The following TAF11L11 variants were observed in gnomAD, a reference collection of about 807,000 sequenced individuals.
The protein encoded by TAF11L11 is TATA-box binding protein associated factor 11 like 11, also known as TATA-box-binding protein-associated factor 11-like protein 11.
At chr5:17,605,409 C>A (rs1232189747), downstream of TAF11L11, 1 of 392,684 alleles carries the variant, frequency 2.5e-6, no homozygotes, top group East Asian at 3.6e-5. Context: ...TCTGTTTGTG[C>A]AGGAATAAGT....
chr5:17,605,115 G>T lies in TAF11L11; in HGVS notation c.335G>T (p.Cys112Phe), dbSNP rs138644274. The T allele has an allele frequency of 4.9e-3, 1,935 of 395,096 alleles. 90 individuals carry two copies. The highest frequency in any genetic ancestry group is 0.037 in the African/African-American group (1,771 of 48,346). The allele number at this position is 395,096 out of a possible 1,614,324, so 24.5% of individuals were successfully genotyped here. The change falls in exon 1 of 1, where the codon TGT (cysteine) becomes TTT (phenylalanine). Residue 112 changes from cysteine (C) to phenylalanine (F), a missense_variant. By Grantham distance (205) the Cys-to-Phe change is radical. Coordinates refer to ENST00000510838, the Ensembl canonical transcript of TAF11L11. ...GAGCAGCTATCTCGCTACGAAGTGT[G>T]TCGCCGGTCAGCTTTCCCAAAAGCA...
At chr5:17,604,419 A>T (rs889787598) in exon 1 of TAF11L11, 1 of 164,032 alleles carries the variant, frequency 6.1e-6, no homozygotes, top group Non-Finnish European at 1.3e-5. Context: ...CCCATCCTGG[A>T]GGTCCCTCAT....
chr5:17,605,480 C>T (rs1321496569), downstream of TAF11L11: 1 of 387,664 alleles, frequency 2.6e-6, no homozygotes, highest in Admixed American at 4.5e-5. Context: ...CTCAGTCCAC[C>T]CTGGATTTAC....
At chr5:17,604,929 A>T (rs747516589) in exon 1 of TAF11L11, 1 of 392,234 alleles carries the variant, frequency 2.5e-6, no homozygotes, top group Non-Finnish European at 4.5e-6. Context: ...AGGAGTCAGG[A>T]TGTCATGGAC....
exon 1 of TAF11L11, chr5:17,605,287 G>T (rs1561008269): frequency 1.5e-5 from 6 of 394,372 alleles, no homozygotes; most frequent in Non-Finnish European, 2.7e-5. Context: ...AAACGCCCCC[G>T]CTGCAGCCCA....
exon 1 of TAF11L11, chr5:17,605,312 G>T (rs1393051297): frequency 2.5e-6 from 1 of 394,160 alleles, no homozygotes; most frequent in Non-Finnish European, 4.5e-6. Context: ...TTTACGGGAG[G>T]CTGTTCGCAG....
Position 17,605,342 on chromosome 5 carries a change from C to T in TAF11L11, c.562C>T (p.Leu188Phe), listed in dbSNP as rs72742647. ...TCGCAGGTTAAAGCCCAAGGGCATC[C>T]TCCCCAACAGCAACTACAAAAAAAT... is the stretch of plus-strand genomic sequence containing the variant. Residue 188 changes from leucine (L) to phenylalanine (F), a missense_variant, in exon 1 of 1, where the codon CTC (leucine) becomes TTC (phenylalanine). Transcript: ENST00000510838. The T allele has an allele frequency of 7.9e-5, 31 of 393,742 alleles. 1 individual carries two copies. The highest frequency in any genetic ancestry group is 4.4e-4 in the African/African-American group (21 of 48,156). The allele number at this position is 393,742 out of a possible 1,614,324, so 24.4% of individuals were successfully genotyped here. A position where few individuals can be genotyped will look rare whatever the true frequency, so the allele number is the denominator to read the frequency against.
chr5:17,605,015 A>T, the TAF11L11 span: 3 of 394,022 alleles, frequency 7.6e-6, no homozygotes, highest in Admixed American at 4.5e-5. Context: ...TACCAAGGGG[A>T]AGAAGGAGAG....
At chr5:17,604,629 G>A (rs1337590347) in exon 1 of TAF11L11, 1 of 330,048 alleles carries the variant, frequency 3.0e-6, no homozygotes, top group Non-Finnish European at 5.5e-6. Context: ...GGGGAGGCAG[G>A]GGGCTGTGTC....
chr5:17,604,744 T>A (rs1739130572), exon 1 of TAF11L11: 1 of 378,950 alleles, frequency 2.6e-6, no homozygotes, highest in African/African-American at 2.1e-5. Context: ...CTTCTGCCTG[T>A]ACAGCTGCTG....
chr5:17,605,633 C>A (rs72742648), downstream of TAF11L11, among the ~76,000 whole-genome samples: 3 of 151,342 alleles, frequency 2.0e-5, no homozygotes, highest in South Asian at 2.1e-4. Context: ...TTGGAAGAAT[C>A]AAGGTGCCTG....
the TAF11L11 span, chr5:17,605,333 A>T: frequency 5.1e-6 from 2 of 394,042 alleles, no homozygotes; most frequent in Admixed American, 8.9e-5. Context: ...GTTAAAGCCC[A>T]AGGGCATCCT....
chr5:17,605,126 G>C (rs1462007345), exon 1 of TAF11L11: 5 of 395,388 alleles, frequency 1.3e-5, no homozygotes, highest in African/African-American at 2.1e-5. Flanking sequence ...TCGCCGGTCA[G>C]CTTTCCCAAA....
chr5:17,604,790 G>C lies in TAF11L11; in HGVS notation c.10G>C (p.Gly4Arg), dbSNP rs1177425100. Residue 4 changes from glycine to arginine, a missense_variant, in exon 1 of 1, where the codon GGC (glycine) becomes CGC (arginine). Gly to Arg is a moderately radical substitution (Grantham distance 125). Transcript: ENST00000510838. ...GACTGGAATCTCACCCATGGAGACA[G>C]GCAGGCAAAGAGATGCCTCTGCTGA... The C allele has an allele frequency of 9.3e-5, 36 of 385,918 alleles. 2 individuals carry two copies. Among genetic ancestry groups the C allele is most frequent in the Middle Eastern group, 6.5e-4 (1 of 1,536 alleles). 23.9% of individuals were successfully genotyped at this position (385,918 alleles called of 1,614,324 possible).
At chr5:17,605,688 A>G (rs1201258006), downstream of TAF11L11, among the ~76,000 whole-genome samples, 1 of 151,368 alleles carries the variant, frequency 6.6e-6, no homozygotes, top group African/African-American at 2.4e-5. Flanking sequence ...CAGAGAGGGA[A>G]GCCCTTCCCA....
At chr5:17,605,251 C>T (rs1739143528) in exon 1 of TAF11L11, 1 of 395,258 alleles carries the variant, frequency 2.5e-6, no homozygotes, top group Non-Finnish European at 4.5e-6. Context: ...TGGAAGAGGC[C>T]CTGGACGTGT....
chr5:17,604,845 A>G lies in TAF11L11; in HGVS notation c.65A>G (p.Tyr22Cys), dbSNP rs115516049. Residue 22 changes from tyrosine (Y) to cysteine (C), a missense_variant, in exon 1 of 1, where the codon TAC becomes TGC. Tyr to Cys is a radical substitution (Grantham distance 194). Coordinates refer to ENST00000510838, the Ensembl canonical transcript of TAF11L11. Reference sequence around the variant, plus strand: ...TTCCCCATGCCCCGAGGTCTGAAGTACAGCAACAAGGATGGAATCCCTGAG... The same window carrying G: ...TTCCCCATGCCCCGAGGTCTGAAGTGCAGCAACAAGGATGGAATCCCTGAG... 4.6e-5 allele frequency: 18 copies of G among 389,806 alleles called. 1 individual carries two copies. The highest frequency in any genetic ancestry group is 6.2e-5 in the African/African-American group (3 of 48,120). The allele number at this position is 389,806 out of a possible 1,614,324, so 24.1% of individuals were successfully genotyped here.
chr5:17,604,907 G>A (rs1739134508), exon 1 of TAF11L11: 1 of 391,774 alleles, frequency 2.6e-6, no homozygotes, highest in Non-Finnish European at 4.5e-6. Context: ...CAGGGATCAG[G>A]AAAGTGAGCT....
At chr5:17,605,264 GAA>G in the TAF11L11 span, 1 of 395,028 alleles carries the variant, frequency 2.5e-6, no homozygotes, top group Non-Finnish European at 4.5e-6. Context: ...GGACGTGTGC[GAA>G]ATGTGGGGAG....
Sources: allele counts gnomAD v4.1 joint callset (sites outside exome capture counted in the v4.1 genomes callset), GRCh38; gene constraint gnomAD v4.1.1; transcripts MANE v1.5; gene names NCBI Gene and HGNC (gene_info 2026-07-23, HGNC 2026-07-21).